The following ROR1 variants were observed in gnomAD, a reference collection of about 807,000 sequenced individuals.
ROR1 encodes inactive tyrosine-protein kinase transmembrane receptor ROR1.
In ROR1, 19 loss-of-function variants were observed where a neutral mutation model predicts 78.8. The ratio of observed to expected loss-of-function variants is 0.24; its 90% CI spans 0.17 to 0.35. ROR1 has a LOEUF of 0.35. ROR1 is among the 10% of genes least tolerant of loss of function. The pLI is 1.00. For synonymous variants in ROR1, 386 were observed against 433.6 expected, an observed-to-expected ratio of 0.89 and a Z score of 1.36; for missense variants, 917 against 1,177.8, an observed-to-expected ratio of 0.78 and a Z score of 3.24.
At chr1:63,799,827 C>G (rs2100252527) in intron 1 of ROR1, among the ~76,000 whole-genome samples, 1 of 152,224 alleles carries the variant, frequency 6.6e-6, no homozygotes, top group African/African-American at 2.4e-5. Context: ...AAATATTTGT[C>G]AAACTGATGA....
At chr1:64,128,130 T>C (rs1229723816) in intron 4 of ROR1, among the ~76,000 whole-genome samples, 1 of 152,024 alleles carries the variant, frequency 6.6e-6, no homozygotes, top group Admixed American at 6.6e-5. Flanking sequence ...CCTCTTCCTC[T>C]TCTCATTATT....
intron 1 of ROR1, among the ~76,000 whole-genome samples, chr1:63,933,754 T>C (rs1014604421): frequency 3.9e-5 from 6 of 152,208 alleles, no homozygotes; most frequent in Admixed American, 3.9e-4. Context: ...TTGGGATCTG[T>C]AGGCAGAGCT....
At chr1:64,000,704 C>T (rs533272137) in intron 1 of ROR1, among the ~76,000 whole-genome samples, 2 of 152,294 alleles carry the variant, frequency 1.3e-5, no homozygotes, top group East Asian at 3.9e-4. Flanking sequence ...TTTGCACTTC[C>T]TCCAATGTGC....
chr1:64,143,459 A>G (rs188335236), intron 7 of ROR1: 1 of 961,912 alleles, frequency 1.0e-6, no homozygotes, highest in South Asian at 4.8e-5. Flanking sequence ...CATAGATATC[A>G]TAGATAATGC....
chr1:63,957,431 A>C (rs17125862), intron 1 of ROR1, among the ~76,000 whole-genome samples: 1 of 152,160 alleles, frequency 6.6e-6, no homozygotes, highest in South Asian at 2.1e-4. Flanking sequence ...ATGCGAATCC[A>C]TGATGCCAAC....
At chr1:64,060,585 C>G (rs1646909355) in intron 4 of ROR1, among the ~76,000 whole-genome samples, 9 of 152,120 alleles carry the variant, frequency 5.9e-5, no homozygotes, top group Admixed American at 5.9e-4. Context: ...AAGATAAACT[C>G]AAGGATAACT....
rs368444062 is a variant in ROR1, at chr1:64,059,506, C to T, written c.482+8790C>T. Among the ~76,000 whole-genome samples the T allele has an allele frequency of 1.2e-3, 179 of 152,090 alleles. 1 individual carries two copies. Among genetic ancestry groups the T allele is most frequent in the African/African-American group, 4.0e-3 (164 of 41,464 alleles). Reference sequence around the variant, plus strand: ...CAGCTGGATCATGAAGTCAGGAGTTCGAGGCCAGCCTGACCAACATGGTGA... The same window carrying T: ...CAGCTGGATCATGAAGTCAGGAGTTTGAGGCCAGCCTGACCAACATGGTGA... On this transcript the variant is annotated intron_variant, in intron 4 of 8. Coordinates refer to ENST00000371079, the MANE Select transcript of ROR1 (RefSeq NM_005012.4).
At chr1:64,038,563 C>T (rs570546052) in intron 2 of ROR1, among the ~76,000 whole-genome samples, 25 of 152,242 alleles carry the variant, frequency 1.6e-4, no homozygotes, top group Non-Finnish European at 2.6e-4. Context: ...AAGGTGTTAC[C>T]TCCTTTGGAA....
chr1:63,849,844 G>A (rs922691247), intron 1 of ROR1, among the ~76,000 whole-genome samples: 1 of 152,098 alleles, frequency 6.6e-6, no homozygotes, highest in African/African-American at 2.4e-5. Context: ...AATGTTTTAA[G>A]TGTACAGAAA....
intron 1 of ROR1, among the ~76,000 whole-genome samples, chr1:63,866,985 C>T (rs1645219698): frequency 6.6e-6 from 1 of 152,144 alleles, no homozygotes; most frequent in Non-Finnish European, 1.5e-5. Context: ...ACTGGATAGG[C>T]ATAGTGAAAA....
intron 1 of ROR1, among the ~76,000 whole-genome samples, chr1:63,927,584 T>G (rs1054324342): frequency 6.6e-6 from 1 of 151,112 alleles, no homozygotes; most frequent in Non-Finnish European, 1.5e-5. Context: ...TAGAGTAGCC[T>G]CTCTGAACTA....
At chr1:64,075,295 G>A (rs1007550800) in intron 4 of ROR1, among the ~76,000 whole-genome samples, 16 of 152,096 alleles carry the variant, frequency 1.1e-4, no homozygotes, top group African/African-American at 3.9e-4. Context: ...AACCACAACA[G>A]AACCATGTTT....
intron 1 of ROR1, among the ~76,000 whole-genome samples, chr1:63,811,133 T>A (rs1644857551): frequency 1.3e-5 from 2 of 152,136 alleles, no homozygotes. Flanking sequence ...TGGGTGAATG[T>A]GGAATAAGGA....
At chr1:64,150,882 A>G (rs1158668368) in intron 7 of ROR1, among the ~76,000 whole-genome samples, 1 of 152,222 alleles carries the variant, frequency 6.6e-6, no homozygotes, top group African/African-American at 2.4e-5. Flanking sequence ...ATATTGAGTC[A>G]TTTACCCAGT....
At chr1:63,879,958 G>T (rs1045597367) in intron 1 of ROR1, among the ~76,000 whole-genome samples, 1 of 152,106 alleles carries the variant, frequency 6.6e-6, no homozygotes, top group African/African-American at 2.4e-5. Flanking sequence ...AGGGAGTGAG[G>T]ATCTTTCCTT....
At chr1:64,042,498 T>C (rs1182995904) in intron 2 of ROR1, among the ~76,000 whole-genome samples, 1 of 152,190 alleles carries the variant, frequency 6.6e-6, no homozygotes, top group Non-Finnish European at 1.5e-5. Context: ...CAGTCTATTA[T>C]TATAAGCAGT....
At chr1:63,923,635 A>G (rs1645675199) in intron 1 of ROR1, among the ~76,000 whole-genome samples, 1 of 151,532 alleles carries the variant, frequency 6.6e-6, no homozygotes, top group South Asian at 2.1e-4. Context: ...AGATTACTAT[A>G]CTAGCTTCTT....
At chr1:63,821,810 C>T (rs562198699) in intron 1 of ROR1, among the ~76,000 whole-genome samples, 1 of 152,318 alleles carries the variant, frequency 6.6e-6, no homozygotes, top group Non-Finnish European at 1.5e-5. Flanking sequence ...AGAAAAGTCC[C>T]AGCTGGTTCA....
intron 4 of ROR1, among the ~76,000 whole-genome samples, chr1:64,101,800 G>A (rs908614177): frequency 6.6e-6 from 1 of 152,164 alleles, no homozygotes; most frequent in Admixed American, 6.5e-5. Context: ...TGAGCCATAC[G>A]TTTATCTGAG....
Sources: gnomAD v4.1 joint callset for allele counts (sites outside exome capture counted in the v4.1 genomes callset) on GRCh38, gnomAD v4.1.1 for gene constraint, MANE v1.5 for transcripts, NCBI Gene and HGNC (gene_info 2026-07-23, HGNC 2026-07-21) for gene names.